Variants in MSI2 observed in about 807,000 individuals in gnomAD.
MSI2 encodes RNA-binding protein Musashi homolog 2.
A neutral mutation model predicts 45.6 loss-of-function variants in MSI2; 17 were observed. That is an observed-to-expected ratio of 0.37 (90% CI 0.26 to 0.56). MSI2 has a LOEUF of 0.56. Among genes scored for constraint, MSI2 ranks in the 20% least tolerant of loss-of-function variants. MSI2 has a pLI of 0.77. For missense variants in MSI2, 293 were observed against 444.2 expected, an observed-to-expected ratio of 0.66 and a Z score of 3.06; for synonymous variants, 156 against 158.2, an observed-to-expected ratio of 0.99 and a Z score of 0.11.
intron 7 of MSI2, among the ~76,000 whole-genome samples, chr17:57,543,277 G>A (rs764849098): frequency 1.3e-5 from 2 of 152,068 alleles, no homozygotes; most frequent in South Asian, 4.1e-4. Flanking sequence ...TGGCTTAAGA[G>A]GGGGGGAAAA....
chr17:57,272,065 C>T (rs1049819068), intron 5 of MSI2, among the ~76,000 whole-genome samples: 1 of 152,146 alleles, frequency 6.6e-6, no homozygotes, highest in Non-Finnish European at 1.5e-5. Context: ...GGCAAGGAAC[C>T]AGCCAAGTAG....
intron 11 of MSI2, among the ~76,000 whole-genome samples, chr17:57,654,920 T>G (rs535684198): frequency 6.6e-6 from 1 of 150,900 alleles, no homozygotes; most frequent in Non-Finnish European, 1.5e-5. Context: ...TTTGGGTTTT[T>G]TTTTTTTTTT....
intron 11 of MSI2, among the ~76,000 whole-genome samples, chr17:57,670,787 C>A (rs1057177514): frequency 2.0e-5 from 3 of 152,190 alleles, no homozygotes; most frequent in Non-Finnish European, 2.9e-5. Context: ...GCATGTGGTA[C>A]CTGCCTTATT....
chr17:57,318,297 T>G (rs1913028747), intron 5 of MSI2, among the ~76,000 whole-genome samples: 1 of 152,112 alleles, frequency 6.6e-6, no homozygotes, highest in South Asian at 2.1e-4. Context: ...TCACTGTTGA[T>G]GGACTCTGTG....
chr17:57,443,010 A>G (rs930154733), intron 6 of MSI2, among the ~76,000 whole-genome samples: 1 of 152,216 alleles, frequency 6.6e-6, no homozygotes, highest in Non-Finnish European at 1.5e-5. Context: ...TGCTCTGAGG[A>G]AACAGGAAAC....
chr17:57,625,263 C>G lies in MSI2; in HGVS notation c.653-1966C>G, dbSNP rs140438242. On this transcript the variant is annotated intron_variant, in intron 9 of 13. Transcript: ENST00000284073. ...CCAGAGGCAGGACTGGAACCCAGGTCTCCTGACTTCAGACCCGTGAGTTTC... is the reference window on the plus strand; with the variant it reads ...CCAGAGGCAGGACTGGAACCCAGGTGTCCTGACTTCAGACCCGTGAGTTTC... Among the ~76,000 whole-genome samples the G allele has an allele frequency of 5.0e-4, 76 of 152,332 alleles. No individual in the cohort carries two copies. In the East Asian group the frequency reaches 0.014, roughly 29 times the overall value.
intron 11 of MSI2, among the ~76,000 whole-genome samples, chr17:57,666,524 G>A (rs1912380554): frequency 6.6e-6 from 1 of 152,190 alleles, no homozygotes; most frequent in African/African-American, 2.4e-5. Flanking sequence ...GTCCCTACCA[G>A]TATCAGGCCT....
chr17:57,436,592 G>C (rs905829407), intron 6 of MSI2, among the ~76,000 whole-genome samples: 14 of 152,220 alleles, frequency 9.2e-5, no homozygotes, highest in Non-Finnish European at 1.0e-4. Context: ...AGAGGTTCAA[G>C]AGCCTGGGGC....
At chr17:57,538,084 T>C (rs1191920155) in intron 7 of MSI2, among the ~76,000 whole-genome samples, 2 of 151,704 alleles carry the variant, frequency 1.3e-5, no homozygotes, top group Non-Finnish European at 2.9e-5. Context: ...CCTGTTCCCA[T>C]AGAGGCCCAG....
At chr17:57,686,357 G>A (rs1270103886), downstream of MSI2, among the ~76,000 whole-genome samples, 1 of 152,024 alleles carries the variant, frequency 6.6e-6, no homozygotes, top group African/African-American at 2.4e-5. Flanking sequence ...AAACTAGAAG[G>A]AAAAAGAAGA....
In MSI2 at chr17:57,529,562, G is replaced by T; in HGVS notation, c.406-114G>T. 1.1e-6 allele frequency: 1 copy of T among 878,482 alleles called. No individual in the cohort carries two copies. The highest frequency in any genetic ancestry group is 1.6e-5 in the South Asian group (1 of 64,058). The allele number at this position is 878,482 out of a possible 1,614,324, so 54.4% of individuals were successfully genotyped here. ...TGCATTTTCAAATATTTTTTGATAA[G>T]CAACTATTACTTCTGTAATGGAAAC... On this transcript the variant is annotated intron_variant, in intron 6 of 13. Coordinates refer to ENST00000284073, the MANE Select transcript of MSI2 (RefSeq NM_138962.4). The surrounding 1 kb of genome is among the most constrained non-coding windows in gnomAD (Gnocchi z 5.3).
In MSI2 at chr17:57,669,866, T is replaced by G. The variant is rs552124844; in HGVS notation, c.791-5106T>G. 5.3e-5 allele frequency among the ~76,000 whole-genome samples: 8 copies of G among 152,250 alleles called. No homozygotes were observed. In the South Asian group the frequency reaches 1.5e-3, roughly 28 times the overall value. On this transcript the variant is annotated intron_variant, in intron 11 of 13. Transcript: ENST00000284073. ...CAGGCTGGGCAGGGAAGAGTCTCTC[T>G]CCCGGAAATGTACCAGGGGCCACTG... is the stretch of plus-strand genomic sequence containing the variant.
chr17:57,597,400 G>T (rs1905350726), intron 8 of MSI2, among the ~76,000 whole-genome samples: 1 of 144,570 alleles, frequency 6.9e-6, no homozygotes, highest in Admixed American at 7.4e-5. Flanking sequence ...GAAGGCCAAG[G>T]CAGGAAAATC....
At position 57,355,965 on chromosome 17, in the gene MSI2, C is replaced by T. The variant is rs540467512; in HGVS notation, c.313-45414C>T. 3.1e-3 allele frequency among the ~76,000 whole-genome samples: 466 copies of T among 152,314 alleles called. 3 individuals are homozygous for T. The highest frequency in any genetic ancestry group is 2.1e-3 in the Non-Finnish European group (145 of 68,028). ...TCAGCTCCCTGCAACCTCTGCCTCC[C>T]GGGTTCAAGCAATTCTCCCTGCCCC... On this transcript the variant is annotated intron_variant, in intron 5 of 13. Transcript: ENST00000284073.
At chr17:57,297,021 C>T (rs1186739042) in intron 5 of MSI2, among the ~76,000 whole-genome samples, 5 of 152,108 alleles carry the variant, frequency 3.3e-5, no homozygotes, top group South Asian at 2.1e-4. Context: ...ACTACAGGCC[C>T]GCGCCACCAC....
intron 5 of MSI2, among the ~76,000 whole-genome samples, chr17:57,291,814 C>T (rs1034040541): frequency 9.9e-5 from 15 of 152,050 alleles, no homozygotes; most frequent in African/African-American, 2.7e-4. Context: ...GAGTGAAGGA[C>T]GGGGGAGCTG....
intron 10 of MSI2, chr17:57,631,782 A>G (rs1909390670): frequency 1.2e-6 from 2 of 1,609,878 alleles, no homozygotes; most frequent in East Asian, 4.5e-5. Flanking sequence ...TTCTTATTTC[A>G]CTTTGCAGAC....
chr17:57,293,595 G>GTTTTTTTTTTTTTTTTTTT (rs71139983), intron 5 of MSI2, among the ~76,000 whole-genome samples: 3 of 134,718 alleles, frequency 2.2e-5, no homozygotes, highest in Non-Finnish European at 4.6e-5. Context: ...TTGTTTTTTT[G>GTTTTTTTTTTTTTTTTTTT]TTTTTTTTTT....
the MSI2 span, among the ~76,000 whole-genome samples, chr17:57,699,038 AGAGAGAGT>A: frequency 7.4e-3 from 329 of 44,656 alleles, 32 homozygotes; most frequent in African/African-American, 0.013. Context: ...AGAGAGAGAG[AGAGAGAGT>A]GTGTGTGTGT....
Sources: allele counts gnomAD v4.1 joint callset (sites outside exome capture counted in the v4.1 genomes callset), GRCh38; gene constraint gnomAD v4.1.1; non-coding constraint Gnocchi (gnomAD v3.1); transcripts MANE v1.5; gene names NCBI Gene and HGNC (gene_info 2026-07-23, HGNC 2026-07-21).